The following MOB3B variants were observed in gnomAD, a reference collection of about 807,000 sequenced individuals.
MOB3B encodes MOB kinase activator-like 2B.
A neutral mutation model predicts 18.7 loss-of-function variants in MOB3B; 7 were observed. The observed-to-expected ratio is 0.37, with a 90% CI of 0.21 to 0.70. MOB3B has a LOEUF of 0.70. Ranked by LOEUF, MOB3B falls within the 30% of genes least tolerant of loss-of-function variation. The probability of loss-of-function intolerance (pLI) is 0.52; values close to 1 mark genes in which losing one functional copy is unlikely to be tolerated. For synonymous variants in MOB3B, 111 were observed against 99.9 expected (o/e 1.11, Z -0.66); for missense variants, 253 against 281.3 (o/e 0.90, Z 0.72).
chr9:27,483,014 G>A (rs16911545), intron 1 of MOB3B, among the ~76,000 whole-genome samples: 3,564 of 151,836 alleles, frequency 0.023, 109 homozygotes, highest in African/African-American at 0.058. Flanking sequence ...ATATCTTTAA[G>A]AGGTGCACAT....
At chr9:27,513,421 A>G (rs1820175855) in intron 1 of MOB3B, among the ~76,000 whole-genome samples, 1 of 152,096 alleles carries the variant, frequency 6.6e-6, no homozygotes, top group African/African-American at 2.4e-5. Context: ...AGCACACATC[A>G]TATCATACCA....
intron 2 of MOB3B, among the ~76,000 whole-genome samples, chr9:27,432,734 G>A (rs1044073210): frequency 1.3e-5 from 2 of 152,114 alleles, no homozygotes; most frequent in Non-Finnish European, 2.9e-5. Context: ...AAATAATGGT[G>A]GGATTCCATT....
At chr9:27,500,557 G>T (rs1819975033) in intron 1 of MOB3B, among the ~76,000 whole-genome samples, 1 of 152,188 alleles carries the variant, frequency 6.6e-6, no homozygotes, top group Non-Finnish European at 1.5e-5. Flanking sequence ...GTAGAAAGCT[G>T]AAACTGGATC....
intron 2 of MOB3B, among the ~76,000 whole-genome samples, chr9:27,425,062 C>T (rs1325281359): frequency 6.6e-6 from 1 of 152,148 alleles, no homozygotes; most frequent in Admixed American, 6.6e-5. Context: ...GTTTTTGTTA[C>T]AGGAAAATCC....
intron 1 of MOB3B, among the ~76,000 whole-genome samples, chr9:27,478,889 G>A (rs1411363016): frequency 6.7e-6 from 1 of 150,362 alleles, no homozygotes; most frequent in Admixed American, 6.6e-5. Flanking sequence ...CAAAGAGAAA[G>A]TCATACAAGC....
rs1039337941 is a variant in MOB3B at position 27,335,337 on chromosome 9, C to T, written c.622-4721G>A. Among the ~76,000 whole-genome samples, 9 of 152,188 alleles carry T rather than the reference C, an allele frequency of 5.9e-5. No individual in the cohort carries two copies. The East Asian group carries it at 1.2e-3, about 20-fold the overall frequency. ...TCGGAGATGTGGCAACTCAGACCAT[C>T]GGAAAGTAAGTGACTTCCCTAATGC... is the stretch of plus-strand genomic sequence containing the variant. On this transcript the variant is annotated intron_variant, in intron 3 of 3. Coordinates refer to ENST00000262244, the MANE Select transcript of MOB3B (RefSeq NM_024761.5).
intron 2 of MOB3B, among the ~76,000 whole-genome samples, chr9:27,418,941 A>G (rs1290620450): frequency 6.6e-6 from 1 of 152,186 alleles, no homozygotes; most frequent in Non-Finnish European, 1.5e-5. Flanking sequence ...CTGATAAAAA[A>G]AAATTCAGCA....
At chr9:27,434,807 C>T (rs1351727095) in intron 2 of MOB3B, among the ~76,000 whole-genome samples, 1 of 152,114 alleles carries the variant, frequency 6.6e-6, no homozygotes, top group Non-Finnish European at 1.5e-5. Flanking sequence ...TGAGTTGAGG[C>T]TCTCATCATC....
chr9:27,351,521 A>G (rs1365405119), intron 3 of MOB3B, among the ~76,000 whole-genome samples: 2 of 152,260 alleles, frequency 1.3e-5, no homozygotes, highest in Non-Finnish European at 2.9e-5. Flanking sequence ...TTCTTCTATA[A>G]TGGCTGAGTC....
At chr9:27,386,878 A>G (rs865978619) in intron 2 of MOB3B, among the ~76,000 whole-genome samples, 1 of 152,206 alleles carries the variant, frequency 6.6e-6, no homozygotes, top group African/African-American at 2.4e-5. Context: ...AGTTTCTGGA[A>G]GAAGTGTGAG....
chr9:27,488,337 A>G (rs1049972481), intron 1 of MOB3B, among the ~76,000 whole-genome samples: 3 of 152,242 alleles, frequency 2.0e-5, no homozygotes, highest in African/African-American at 7.2e-5. Flanking sequence ...ACCCCAGTGG[A>G]TATCAAGGTA....
intron 3 of MOB3B, among the ~76,000 whole-genome samples, chr9:27,332,495 A>G (rs992125535): frequency 6.6e-5 from 10 of 152,254 alleles, no homozygotes; most frequent in African/African-American, 2.4e-4. Context: ...ATAGTTAAAT[A>G]TCTATAAGAT....
intron 2 of MOB3B, among the ~76,000 whole-genome samples, chr9:27,415,732 T>C (rs545675828): frequency 6.6e-6 from 1 of 152,342 alleles, no homozygotes; most frequent in Admixed American, 6.5e-5. Context: ...CTAATTTCAA[T>C]GGATTTGGCT....
intron 2 of MOB3B, chr9:27,397,544 C>T (rs1047079724): frequency 6.6e-6 from 1 of 152,154 alleles, no homozygotes; most frequent in African/African-American, 2.4e-5. Context: ...TCCAATGGCT[C>T]TAATGAGTGC....
At chr9:27,433,864 C>A (rs184580176) in intron 2 of MOB3B, among the ~76,000 whole-genome samples, 5 of 152,004 alleles carry the variant, frequency 3.3e-5, no homozygotes, top group African/African-American at 1.2e-4. Flanking sequence ...CTTCTCCTTG[C>A]GAGTCAAAGA....
At chr9:27,464,940 G>A (rs1437011679) in intron 1 of MOB3B, among the ~76,000 whole-genome samples, 1 of 152,140 alleles carries the variant, frequency 6.6e-6, no homozygotes, top group African/African-American at 2.4e-5. Context: ...TGAGAACTCT[G>A]GGAGATATAA....
intron 1 of MOB3B, among the ~76,000 whole-genome samples, chr9:27,513,077 T>C (rs1324453356): frequency 6.6e-6 from 1 of 152,214 alleles, no homozygotes; most frequent in African/African-American, 2.4e-5. Flanking sequence ...AAAGATCAAA[T>C]GCTAAATGAG....
Position 27,431,763 on chromosome 9 carries a change from AAGAG to A in MOB3B, c.418+23366_418+23369del, listed in dbSNP as rs552860703. Among the ~76,000 whole-genome samples, 313 of 152,356 alleles carry A rather than the reference AAGAG, an allele frequency of 2.1e-3. 1 individual carries two copies. The highest frequency in any genetic ancestry group is 7.2e-3 in the African/African-American group (301 of 41,582). ...AACACTGGAGGCAGTCCCAGAGAAG[AAGAG>A]AAAGAACATTCTTTTCCAAATGACA... is the stretch of plus-strand genomic sequence containing the variant. On this transcript the variant is annotated intron_variant, in intron 2 of 3. Coordinates refer to ENST00000262244, the MANE Select transcript of MOB3B (RefSeq NM_024761.5).
chr9:27,353,821 G>A (rs1019810641), intron 3 of MOB3B, among the ~76,000 whole-genome samples: 11 of 152,204 alleles, frequency 7.2e-5, no homozygotes, highest in African/African-American at 2.7e-4. Flanking sequence ...GCTTGCTAAT[G>A]ATAATTCTGA....
Sources: allele counts gnomAD v4.1 joint callset (sites outside exome capture counted in the v4.1 genomes callset), GRCh38; gene constraint gnomAD v4.1.1; transcripts MANE v1.5; gene names NCBI Gene and HGNC (gene_info 2026-07-23, HGNC 2026-07-21).